NBEA: variants seen among roughly 807,000 people sequenced by gnomAD.
NBEA encodes neurobeachin.
In NBEA, 44 loss-of-function variants were observed where a neutral mutation model predicts 343.4. That is an observed-to-expected ratio of 0.13 (90% CI 0.10 to 0.16). NBEA has a LOEUF of 0.16. Among genes scored for constraint, NBEA ranks in the 10% least tolerant of loss-of-function variants. The pLI, the probability that NBEA is intolerant of heterozygous loss-of-function variation, is 1.00. For synonymous variants in NBEA, 1,175 were observed against 1,238.7 expected (o/e 0.95, Z 1.08); for missense variants, 2,555 against 3,631.3 (o/e 0.70, Z 7.62).
intron 33 of NBEA, among the ~76,000 whole-genome samples, chr13:35,227,860 A>AT (rs1455575012): frequency 1.3e-5 from 2 of 151,968 alleles, no homozygotes; most frequent in Non-Finnish European, 2.9e-5. Context: ...GAATTATTAT[A>AT]TTTTTCTAGA....
intron 39 of NBEA, among the ~76,000 whole-genome samples, chr13:35,442,133 C>A (rs530462952): frequency 4.6e-5 from 7 of 152,208 alleles, no homozygotes; most frequent in South Asian, 4.1e-4. Flanking sequence ...AAGAAGTCAT[C>A]CACATAAAGA....
chr13:35,598,066 A>G (rs2081889237), intron 47 of NBEA, among the ~76,000 whole-genome samples: 1 of 152,188 alleles, frequency 6.6e-6, no homozygotes, highest in African/African-American at 2.4e-5. Flanking sequence ...TCAGACTGAA[A>G]ATCTGGTATC....
In NBEA at chr13:35,282,180, G is replaced by C. The variant is rs1018573998; in HGVS notation, c.5777-8209G>C. On this transcript the variant is annotated intron_variant, in intron 34 of 58. Coordinates refer to ENST00000379939, the MANE Select transcript of NBEA (RefSeq NM_001385012.1). ...GCCCACCTCGGCCTCCCAAAGTGCT[G>C]GGATTACAGGCATGAGCCACTGCAC... Among the ~76,000 whole-genome samples the C allele has an allele frequency of 8.5e-5, 13 of 152,086 alleles. No homozygotes were observed. The East Asian group carries it at 2.1e-3, about 25-fold the overall frequency.
chr13:35,216,464 T>C (rs900451580), intron 33 of NBEA, among the ~76,000 whole-genome samples: 3 of 152,134 alleles, frequency 2.0e-5, no homozygotes, highest in Admixed American at 1.3e-4. Flanking sequence ...CCTTTACAGA[T>C]GTTTCCCAGC....
intron 33 of NBEA, among the ~76,000 whole-genome samples, chr13:35,231,607 C>A (rs910693603): frequency 2.0e-5 from 3 of 151,972 alleles, no homozygotes; most frequent in African/African-American, 7.2e-5. Context: ...AAAAAGTGAA[C>A]ATTATTGACC....
intron 38 of NBEA, among the ~76,000 whole-genome samples, chr13:35,373,040 C>T (rs910945537): frequency 6.6e-6 from 1 of 152,148 alleles, no homozygotes. Flanking sequence ...CCAAGGGACT[C>T]GCCTGAATCT....
intron 33 of NBEA, among the ~76,000 whole-genome samples, chr13:35,219,871 G>A (rs1009988920): frequency 1.3e-5 from 2 of 152,100 alleles, no homozygotes; most frequent in Non-Finnish European, 2.9e-5. Context: ...ACTAGATGAA[G>A]CCTTCTTCCA....
At chr13:35,541,033 C>T (rs2078796601) in intron 41 of NBEA, among the ~76,000 whole-genome samples, 1 of 152,130 alleles carries the variant, frequency 6.6e-6, no homozygotes, top group Non-Finnish European at 1.5e-5. Flanking sequence ...TATAGCAGCT[C>T]TCCATTATTC....
At chr13:34,947,330 G>A (rs1024686770) in intron 1 of NBEA, among the ~76,000 whole-genome samples, 1 of 152,092 alleles carries the variant, frequency 6.6e-6, no homozygotes, top group Admixed American at 6.5e-5. Context: ...ATTGCTAGCT[G>A]CTTTTTGGTA....
At chr13:35,634,599 A>G (rs2083615698) in intron 49 of NBEA, among the ~76,000 whole-genome samples, 2 of 152,168 alleles carry the variant, frequency 1.3e-5, no homozygotes, top group South Asian at 2.1e-4. Flanking sequence ...TTTAACGGTG[A>G]GAGGTATGCA....
chr13:35,272,788 A>C (rs1237281555), intron 34 of NBEA, among the ~76,000 whole-genome samples: 2 of 152,204 alleles, frequency 1.3e-5, no homozygotes, highest in Non-Finnish European at 2.9e-5. Flanking sequence ...AAAGGGATCA[A>C]TTCAACAAGA....
chr13:35,656,883 A>G (rs1555329833), intron 55 of NBEA, among the ~76,000 whole-genome samples: 2 of 152,236 alleles, frequency 1.3e-5, no homozygotes, highest in Non-Finnish European at 2.9e-5. Context: ...CTGTGCATCT[A>G]CAACTAAAAT....
chr13:35,500,130 C>G (rs1433298246), intron 41 of NBEA, among the ~76,000 whole-genome samples: 1 of 152,090 alleles, frequency 6.6e-6, no homozygotes, highest in Non-Finnish European at 1.5e-5. Flanking sequence ...ACTTAAGTGA[C>G]AGCTGCAATT....
At chr13:35,086,996 T>TG (rs1306823443) in intron 10 of NBEA, among the ~76,000 whole-genome samples, 2 of 150,154 alleles carry the variant, frequency 1.3e-5, no homozygotes, top group Non-Finnish European at 3.0e-5. Context: ...ATGGGGTTAT[T>TG]TTTTTTTTAT....
At chr13:34,971,133 G>A (rs2059984892) in intron 1 of NBEA, among the ~76,000 whole-genome samples, 2 of 151,808 alleles carry the variant, frequency 1.3e-5, no homozygotes, top group South Asian at 4.2e-4. Flanking sequence ...TTCTTTTTGT[G>A]GCAATTGTGA....
At chr13:35,397,315 A>T (rs2042791684) in intron 38 of NBEA, among the ~76,000 whole-genome samples, 1 of 152,054 alleles carries the variant, frequency 6.6e-6, no homozygotes. Context: ...GGGTGGCTGG[A>T]TCCTTTTCAT....
chr13:35,468,132 G>GCCCCCCA (rs1566176841), intron 40 of NBEA, among the ~76,000 whole-genome samples: 1 of 103,028 alleles, frequency 9.7e-6, no homozygotes, highest in Non-Finnish European at 1.9e-5. Flanking sequence ...CCCCTCCCCT[G>GCCCCCCA]AAAATGATTA....
chr13:35,092,758 G>T (rs1428898468), intron 10 of NBEA, among the ~76,000 whole-genome samples: 1 of 151,968 alleles, frequency 6.6e-6, no homozygotes, highest in African/African-American at 2.4e-5. Context: ...TTGCCAAATG[G>T]TTCAGCCAGT....
intron 36 of NBEA, among the ~76,000 whole-genome samples, chr13:35,338,434 G>A (rs1009792807): frequency 7.9e-5 from 12 of 152,112 alleles, no homozygotes; most frequent in African/African-American, 2.2e-4. Context: ...TCTGAGTATT[G>A]CTGTAACAGT....
Sources: allele counts gnomAD v4.1 joint callset (sites outside exome capture counted in the v4.1 genomes callset), GRCh38; gene constraint gnomAD v4.1.1; transcripts MANE v1.5; gene names NCBI Gene and HGNC (gene_info 2026-07-23, HGNC 2026-07-21).